Variants in MDGA2 observed in about 807,000 individuals in gnomAD.
MDGA2 encodes the protein MAM domain-containing glycosylphosphatidylinositol anchor protein 2.
Under a neutral mutation model 117.8 loss-of-function variants are expected in MDGA2, and 40 were observed. The ratio of observed to expected loss-of-function variants is 0.34; its 90% confidence interval spans 0.26 to 0.44. The LOEUF is 0.44. Among genes scored for constraint, MDGA2 ranks in the 20% least tolerant of loss-of-function variants. The pLI, the probability that MDGA2 is intolerant of heterozygous loss-of-function variation, is 1.00. For synonymous variants in MDGA2, 452 were observed against 439.0 expected (o/e 1.03, Z -0.37); for missense variants, 1,123 against 1,250.6 (o/e 0.90, Z 1.54).
At chr14:47,624,126 G>A (rs192279388) in intron 1 of MDGA2, among the ~76,000 whole-genome samples, 6 of 151,974 alleles carry the variant, frequency 3.9e-5, no homozygotes, top group African/African-American at 7.2e-5. Flanking sequence ...TGCTCACAAC[G>A]TAGTAAGGTT....
intron 8 of MDGA2, among the ~76,000 whole-genome samples, chr14:46,986,568 C>T (rs1469103766): frequency 6.6e-6 from 1 of 152,060 alleles, no homozygotes; most frequent in African/African-American, 2.4e-5. Context: ...TCATAATTAA[C>T]TCTGCTGGAT....
intron 1 of MDGA2, among the ~76,000 whole-genome samples, chr14:47,304,116 T>C (rs1279089934): frequency 1.3e-5 from 2 of 152,156 alleles, no homozygotes; most frequent in Non-Finnish European, 2.9e-5. Flanking sequence ...CCTTTTAGTA[T>C]TCATCAAAAT....
chr14:47,635,377 G>T (rs974821383), intron 1 of MDGA2, among the ~76,000 whole-genome samples: 1 of 152,038 alleles, frequency 6.6e-6, no homozygotes, highest in Non-Finnish European at 1.5e-5. Flanking sequence ...AATTGAATAT[G>T]ATATCATCAA....
intron 1 of MDGA2, among the ~76,000 whole-genome samples, chr14:47,642,310 A>G (rs1897442064): frequency 6.6e-6 from 1 of 152,098 alleles, no homozygotes; most frequent in African/African-American, 2.4e-5. Flanking sequence ...GGCACTTAGA[A>G]AAGGGCGTGA....
chr14:47,094,043 T>C (rs1879820879), intron 6 of MDGA2, among the ~76,000 whole-genome samples: 1 of 152,086 alleles, frequency 6.6e-6, no homozygotes, highest in Non-Finnish European at 1.5e-5. Flanking sequence ...AAGAGAAAAC[T>C]GTTTTCCTTA....
intron 2 of MDGA2, among the ~76,000 whole-genome samples, chr14:47,233,152 TCAC>T (rs1199322026): frequency 6.6e-6 from 1 of 152,076 alleles, no homozygotes; most frequent in Non-Finnish European, 1.5e-5. Flanking sequence ...GTAAACTATG[TCAC>T]CAGTTCATCT....
At chr14:46,938,080 A>T (rs184994525) in intron 9 of MDGA2, among the ~76,000 whole-genome samples, 3 of 152,358 alleles carry the variant, frequency 2.0e-5, no homozygotes, top group African/African-American at 7.2e-5. Flanking sequence ...CAGAAAATAC[A>T]ATGATCTCAA....
intron 1 of MDGA2, among the ~76,000 whole-genome samples, chr14:47,335,794 C>G (rs1281172153): frequency 9.0e-6 from 1 of 111,246 alleles, no homozygotes; most frequent in Non-Finnish European, 1.9e-5. Context: ...TGAAAATACA[C>G]TAAAGAGAGA....
At chr14:47,099,728 C>T (rs1880191254) in intron 5 of MDGA2, among the ~76,000 whole-genome samples, 1 of 151,974 alleles carries the variant, frequency 6.6e-6, no homozygotes, top group Non-Finnish European at 1.5e-5. Context: ...CCTGTGTGAA[C>T]TTGAGCAAGT....
At chr14:47,194,025 G>A (rs993075091) in intron 3 of MDGA2, among the ~76,000 whole-genome samples, 1 of 152,154 alleles carries the variant, frequency 6.6e-6, no homozygotes, top group Non-Finnish European at 1.5e-5. Context: ...CACTTCTGCA[G>A]CACTATAACT....
chr14:47,277,068 G>A (rs1888332086), intron 2 of MDGA2, among the ~76,000 whole-genome samples: 1 of 152,078 alleles, frequency 6.6e-6, no homozygotes, highest in Non-Finnish European at 1.5e-5. Flanking sequence ...AAGGGACAGC[G>A]AAGCTCTGAG....
In MDGA2 at chr14:47,523,056, C is replaced by T. The variant is rs574677216; in HGVS notation, c.280+151461G>A. Among the ~76,000 whole-genome samples, 20 of 152,240 alleles carry T rather than the reference C, an allele frequency of 1.3e-4. No homozygotes were observed. In the South Asian group the frequency reaches 4.2e-3, roughly 32 times the overall value. On this transcript the variant is annotated intron_variant, in intron 1 of 16. Coordinates refer to ENST00000399232, the MANE Select transcript of MDGA2 (RefSeq NM_001113498.3). ...TTTGCAAAGCTTAATTTCTTTGGCT[C>T]ATCAGTATTGTTGTGTACATTTATA...
intron 1 of MDGA2, among the ~76,000 whole-genome samples, chr14:47,642,713 T>C (rs1566555494): frequency 2.0e-5 from 3 of 152,038 alleles, no homozygotes; most frequent in Non-Finnish European, 2.9e-5. Flanking sequence ...TATTAAAGCA[T>C]AAACATTGTA....
At chr14:47,096,246 A>G (rs894271989) in intron 6 of MDGA2, among the ~76,000 whole-genome samples, 5 of 152,066 alleles carry the variant, frequency 3.3e-5, no homozygotes, top group African/African-American at 1.2e-4. Flanking sequence ...TATAAGACCT[A>G]GTATGAATGT....
At chr14:47,184,005 C>T (rs146640444) in intron 3 of MDGA2, among the ~76,000 whole-genome samples, 57 of 152,028 alleles carry the variant, frequency 3.7e-4, no homozygotes, top group African/African-American at 1.3e-3. Context: ...CAAATACTGA[C>T]TTAAATCCTC....
intron 1 of MDGA2, among the ~76,000 whole-genome samples, chr14:47,302,892 T>C (rs1458408337): frequency 2.6e-5 from 4 of 152,124 alleles, no homozygotes; most frequent in Non-Finnish European, 5.9e-5. Flanking sequence ...CGCTTATGAT[T>C]AATAAAACAA....
At chr14:47,101,464 C>T (rs1344258299) in intron 5 of MDGA2, among the ~76,000 whole-genome samples, 1 of 152,156 alleles carries the variant, frequency 6.6e-6, no homozygotes, top group Non-Finnish European at 1.5e-5. Context: ...AAATCCCAAA[C>T]ATCTGGATAT....
At chr14:47,334,946 T>C (rs1191881276) in intron 1 of MDGA2, among the ~76,000 whole-genome samples, 4 of 151,970 alleles carry the variant, frequency 2.6e-5, no homozygotes, top group African/African-American at 7.2e-5. Context: ...GGAATGTGAA[T>C]TGCATAACTG....
intron 8 of MDGA2, among the ~76,000 whole-genome samples, chr14:47,017,580 T>C (rs1888129444): frequency 6.6e-6 from 1 of 151,682 alleles, no homozygotes; most frequent in Admixed American, 6.6e-5. Context: ...TACGCAATCT[T>C]CAACATTCAG....
Sources: gnomAD v4.1 joint callset for allele counts (sites outside exome capture counted in the v4.1 genomes callset) on GRCh38, gnomAD v4.1.1 for gene constraint, MANE v1.5 for transcripts, NCBI Gene and HGNC (gene_info 2026-07-23, HGNC 2026-07-21) for gene names.